Variants in ASAP2 observed in about 807,000 individuals in gnomAD.
The protein encoded by ASAP2 is arf-GAP with SH3 domain, ANK repeat and PH domain-containing protein 2.
In ASAP2, 45 loss-of-function variants were observed where a neutral mutation model predicts 131.4. The ratio of observed to expected loss-of-function variants is 0.34; its 90% confidence interval spans 0.27 to 0.44. The LOEUF is 0.44. ASAP2 is among the 20% of genes least tolerant of loss of function. ASAP2 has a pLI of 1.00. For synonymous variants in ASAP2, 510 were observed against 503.0 expected (o/e 1.01, Z -0.19); for missense variants, 1,011 against 1,297.0 (o/e 0.78, Z 3.39).
intron 1 of ASAP2, among the ~76,000 whole-genome samples, chr2:9,227,366 T>G (rs1662850695): frequency 6.6e-6 from 1 of 152,204 alleles, no homozygotes; most frequent in Admixed American, 6.5e-5. Context: ...GCAGTGAGCC[T>G]CCTCTAAAGC....
intron 24 of ASAP2, among the ~76,000 whole-genome samples, chr2:9,398,491 T>C (rs892536646): frequency 1.3e-5 from 2 of 151,196 alleles, no homozygotes; most frequent in African/African-American, 4.9e-5. Context: ...GCTTGGGTAA[T>C]AGGGCAGGAC....
chr2:9,301,795 A>G (rs1668491260), intron 3 of ASAP2, among the ~76,000 whole-genome samples: 1 of 150,478 alleles, frequency 6.6e-6, no homozygotes, highest in Non-Finnish European at 1.5e-5. Flanking sequence ...GGAAAGCTCT[A>G]CCAAGCAACG....
chr2:9,265,864 C>T (rs369416536), intron 1 of ASAP2, among the ~76,000 whole-genome samples: 90 of 152,326 alleles, frequency 5.9e-4, no homozygotes, highest in African/African-American at 2.1e-3. Flanking sequence ...CCTCCACCTC[C>T]CCGGTTCAAG....
chr2:9,347,199 G>A (rs1672027540), intron 11 of ASAP2, among the ~76,000 whole-genome samples: 1 of 152,202 alleles, frequency 6.6e-6, no homozygotes, highest in Non-Finnish European at 1.5e-5. Flanking sequence ...TTCAGTGGCT[G>A]AGTGTTCCTT....
At chr2:9,349,414 C>A (rs1672186744) in intron 11 of ASAP2, among the ~76,000 whole-genome samples, 1 of 152,166 alleles carries the variant, frequency 6.6e-6, no homozygotes, top group South Asian at 2.1e-4. Context: ...TGTTTTGTAA[C>A]CATGTTTCTA....
At position 9,268,648 on chromosome 2, in the gene ASAP2, G is replaced by A. The variant is rs1377196225; in HGVS notation, c.127-10669G>A. Among the ~76,000 whole-genome samples, 1 of 152,242 alleles carries A rather than the reference G, an allele frequency of 6.6e-6. No individual in the cohort carries two copies. Among genetic ancestry groups the A allele is most frequent in the Non-Finnish European group, 1.5e-5 (1 of 68,042 alleles). ...GGTGAGACAAAGCTGCCATCTGAAT[G>A]TCTGTCTGACTCTTCTTGGCAAAGC... On this transcript the variant is annotated intron_variant, in intron 1 of 27. Coordinates refer to ENST00000281419, the MANE Select transcript of ASAP2 (RefSeq NM_003887.3). This position sits in a 1 kb window ranked among gnomAD's most constrained non-coding sequence, Gnocchi z 4.1.
chr2:9,285,408 A>G (rs903278959), intron 2 of ASAP2, among the ~76,000 whole-genome samples: 1 of 152,228 alleles, frequency 6.6e-6, no homozygotes, highest in Non-Finnish European at 1.5e-5. Flanking sequence ...TCCCACGTGT[A>G]TACAAAACAG....
At chr2:9,282,133 A>T (rs1172333849) in intron 2 of ASAP2, among the ~76,000 whole-genome samples, 1 of 152,216 alleles carries the variant, frequency 6.6e-6, no homozygotes, top group Non-Finnish European at 1.5e-5. Context: ...ATTTTAACGT[A>T]GCTCCTTGGG....
At chr2:9,237,577 A>G (rs1663641122) in intron 1 of ASAP2, among the ~76,000 whole-genome samples, 1 of 151,772 alleles carries the variant, frequency 6.6e-6, no homozygotes, top group Admixed American at 6.6e-5. Flanking sequence ...ATGCCTGGCT[A>G]ATTACTTTTA....
chr2:9,241,958 C>T (rs577844809), intron 1 of ASAP2, among the ~76,000 whole-genome samples: 8 of 151,518 alleles, frequency 5.3e-5, no homozygotes, highest in Non-Finnish European at 7.4e-5. Context: ...TGTTATCAGG[C>T]GGACACATGT....
intron 15 of ASAP2, among the ~76,000 whole-genome samples, chr2:9,363,578 G>T (rs1413405324): frequency 6.6e-6 from 1 of 151,984 alleles, no homozygotes; most frequent in Non-Finnish European, 1.5e-5. Flanking sequence ...TTGGTCATTT[G>T]TAGGTCTTCT....
intron 16 of ASAP2, among the ~76,000 whole-genome samples, chr2:9,369,322 G>A (rs1415432404): frequency 1.3e-5 from 2 of 152,102 alleles, no homozygotes; most frequent in Non-Finnish European, 2.9e-5. Context: ...CCTGGCCAGC[G>A]GAGAAGCTTT....
chr2:9,365,097 A>G (rs776527491), intron 15 of ASAP2, among the ~76,000 whole-genome samples: 7 of 152,230 alleles, frequency 4.6e-5, no homozygotes, highest in Non-Finnish European at 1.0e-4. Flanking sequence ...TTACTAAGAA[A>G]TACATACTTT....
chr2:9,390,913 T>TA (rs1675666384), intron 22 of ASAP2, 149 bp from the exon 23 acceptor site: 4 of 1,169,600 alleles, frequency 3.4e-6, no homozygotes, highest in Admixed American at 2.2e-5. Flanking sequence ...GAGACAGGAG[T>TA]AAAAGCATTG....
intron 3 of ASAP2, among the ~76,000 whole-genome samples, chr2:9,300,069 A>C (rs1296034670): frequency 6.6e-6 from 1 of 152,116 alleles, no homozygotes; most frequent in East Asian, 1.9e-4. Flanking sequence ...CTGTTTCTAC[A>C]AAAAAATACA....
rs1445197257 is a variant in ASAP2 at position 9,287,101 on chromosome 2, AT to A, written c.199+7714del. Among the ~76,000 whole-genome samples, 9 of 152,364 alleles carry A rather than the reference AT, an allele frequency of 5.9e-5. No individual in the cohort carries two copies. In the East Asian group the frequency reaches 1.7e-3, roughly 29 times the overall value. ...CTAGCCAACAGTTGGAGGAGCTGAG[AT>A]TCAAAACCAGGTGAGCGTCCCGTCT... is the stretch of plus-strand genomic sequence containing the variant. On this transcript the variant is annotated intron_variant, in intron 2 of 27. Coordinates refer to ENST00000281419, the MANE Select transcript of ASAP2 (RefSeq NM_003887.3).
intron 12 of ASAP2, among the ~76,000 whole-genome samples, chr2:9,351,755 A>G (rs1672347550): frequency 6.6e-6 from 1 of 152,210 alleles, no homozygotes; most frequent in Non-Finnish European, 1.5e-5. Context: ...TATGTGATTC[A>G]GCGCTCCCAG....
chr2:9,243,673 T>C (rs72773369), intron 1 of ASAP2, among the ~76,000 whole-genome samples: 34,259 of 152,098 alleles, frequency 0.23, 4,026 homozygotes, highest in Non-Finnish European at 0.25. Context: ...TGTTTTATCT[T>C]ACCTAGATTA....
rs1558405993 is a variant in ASAP2, at chr2:9,400,279, T to G, written c.2734+207T>G. 3.3e-3 allele frequency among the ~76,000 whole-genome samples: 85 copies of G among 25,724 alleles called. 1 individual carries two copies. The highest frequency in any genetic ancestry group is 0.028 in the Middle Eastern group (1 of 36). 16.9% of individuals were successfully genotyped at this position (25,724 alleles called of 152,430 possible). On this transcript the variant is annotated intron_variant, in intron 25 of 27. Transcript: ENST00000281419. ...CTCCTGCCCTCTTCCTCTCCTTCCT[T>G]CCCTCCTTCCTTCCTTCCTCCCCCA...
Sources: gnomAD v4.1 joint callset for allele counts (sites outside exome capture counted in the v4.1 genomes callset) on GRCh38, gnomAD v4.1.1 for gene constraint, Gnocchi (gnomAD v3.1) non-coding constraint, MANE v1.5 for transcripts, NCBI Gene and HGNC (gene_info 2026-07-23, HGNC 2026-07-21) for gene names.